Variants in LARGE1 observed in about 807,000 individuals in gnomAD.
The protein encoded by LARGE1 is xylosyl- and glucuronyltransferase LARGE1.
Under a neutral mutation model 87.6 loss-of-function variants are expected in LARGE1, and 43 were observed. That is an observed-to-expected ratio of 0.49 (90% confidence interval 0.38 to 0.63). The LOEUF is 0.63. Ranked by LOEUF, LARGE1 falls within the 30% of genes least tolerant of loss-of-function variation. LARGE1 has a pLI of 0.00. For synonymous variants in LARGE1, 434 were observed against 394.6 expected, an observed-to-expected ratio of 1.10 and a Z score of -1.18; for missense variants, 802 against 1,000.2, an observed-to-expected ratio of 0.80 and a Z score of 2.67.
rs562319985 is a variant in LARGE1 at position 33,361,159 on chromosome 22, G to A, written c.1131+20760C>T. 5.4e-5 allele frequency among the ~76,000 whole-genome samples: 8 copies of A among 149,088 alleles called. No individual in the cohort carries two copies. In the East Asian group the frequency reaches 1.2e-3, roughly 22 times the overall value. Reference sequence around the variant, plus strand: ...TGAGAGGTGGGGGTTACAGTGAGCCGAGAATGCGCCATTGCACTCCAGCCT... The same window carrying A: ...TGAGAGGTGGGGGTTACAGTGAGCCAAGAATGCGCCATTGCACTCCAGCCT... On this transcript the variant is annotated intron_variant, in intron 9 of 14. Transcript: ENST00000397394.
intron 6 of LARGE1, among the ~76,000 whole-genome samples, chr22:33,488,143 T>G (rs2069669165): frequency 2.0e-5 from 3 of 152,192 alleles, no homozygotes; most frequent in South Asian, 2.1e-4. Flanking sequence ...TCTAGAATTG[T>G]GCTTGTTGAA....
chr22:33,629,068 T>C (rs1346273258), intron 3 of LARGE1, among the ~76,000 whole-genome samples: 1 of 152,174 alleles, frequency 6.6e-6, no homozygotes, highest in East Asian at 1.9e-4. Context: ...TGGTACCTTT[T>C]TTTCAGGCTA....
At chr22:33,605,852 A>C (rs529024510) in intron 4 of LARGE1, among the ~76,000 whole-genome samples, 1 of 152,322 alleles carries the variant, frequency 6.6e-6, no homozygotes, top group Non-Finnish European at 1.5e-5. Context: ...CTACAAAAGA[A>C]CACAAAGTTC....
At chr22:33,767,107 C>G (rs1228908916) in intron 1 of LARGE1, among the ~76,000 whole-genome samples, 1 of 151,146 alleles carries the variant, frequency 6.6e-6, no homozygotes, top group East Asian at 2.0e-4. Flanking sequence ...TGACATCAGG[C>G]GTTCAAGACC....
chr22:33,397,303 C>A (rs142112937), intron 7 of LARGE1, among the ~76,000 whole-genome samples: 19 of 151,990 alleles, frequency 1.3e-4, no homozygotes, highest in African/African-American at 3.9e-4. Flanking sequence ...TTAGTAGAGA[C>A]GGGGTTTCTC....
chr22:33,884,179 G>A (rs1334620481), intron 1 of LARGE1, among the ~76,000 whole-genome samples: 1 of 152,186 alleles, frequency 6.6e-6, no homozygotes, highest in Non-Finnish European at 1.5e-5. Flanking sequence ...CTCATTCAGG[G>A]CAGAAACCAA....
At chr22:33,120,358 T>TTTTCTTTCCTTC in the LARGE1 span, among the ~76,000 whole-genome samples, 2 of 118,686 alleles carry the variant, frequency 1.7e-5, no homozygotes, top group Non-Finnish European at 3.4e-5. Context: ...TTTTCTTTCT[T>TTTTCTTTCCTTC]TTTCTTTCTT....
chr22:33,539,480 G>C (rs929900726), intron 6 of LARGE1, among the ~76,000 whole-genome samples: 1 of 152,124 alleles, frequency 6.6e-6, no homozygotes, highest in African/African-American at 2.4e-5. Context: ...AGCTAGGCTG[G>C]CTTGACAAAC....
intron 2 of LARGE1, among the ~76,000 whole-genome samples, chr22:33,753,549 T>A (rs557120045): frequency 7.2e-5 from 11 of 152,268 alleles, no homozygotes; most frequent in African/African-American, 2.6e-4. Context: ...GGTTTTTTTT[T>A]AAGCCACTAA....
intron 1 of LARGE1, among the ~76,000 whole-genome samples, chr22:33,853,978 A>G (rs1018596711): frequency 8.5e-5 from 13 of 152,172 alleles, no homozygotes; most frequent in Middle Eastern, 3.4e-3. Flanking sequence ...CTGAGTCCCT[A>G]CTGGGCAGGC....
chr22:33,119,928 A>G, the LARGE1 span, among the ~76,000 whole-genome samples: 1 of 152,190 alleles, frequency 6.6e-6, no homozygotes, highest in Non-Finnish European at 1.5e-5. Flanking sequence ...CCCTTGCAGT[A>G]GATAACTGCT....
At chr22:33,493,116 A>G (rs905159621) in intron 6 of LARGE1, among the ~76,000 whole-genome samples, 13 of 146,432 alleles carry the variant, frequency 8.9e-5, no homozygotes, top group Non-Finnish European at 1.8e-4. Flanking sequence ...TGCTAAAACC[A>G]TCTCTATCCA....
At chr22:33,086,816 G>A in the LARGE1 span, among the ~76,000 whole-genome samples, 249 of 152,284 alleles carry the variant, frequency 1.6e-3, no homozygotes, top group Non-Finnish European at 2.1e-3. Context: ...CTCCCAAAGT[G>A]CTGGGATTAC....
chr22:33,338,469 C>T (rs1433722693), intron 9 of LARGE1, among the ~76,000 whole-genome samples: 1 of 152,162 alleles, frequency 6.6e-6, no homozygotes, highest in Non-Finnish European at 1.5e-5. Flanking sequence ...TTCCTACCTC[C>T]TCCTCCTATT....
intron 11 of LARGE1, among the ~76,000 whole-genome samples, chr22:33,258,253 A>G (rs914919235): frequency 2.0e-5 from 3 of 152,078 alleles, no homozygotes; most frequent in African/African-American, 7.2e-5. Context: ...TCTGGTCTTG[A>G]ACTCCTGACT....
At chr22:33,890,976 GC>G (rs2064989374) in intron 1 of LARGE1, among the ~76,000 whole-genome samples, 1 of 152,116 alleles carries the variant, frequency 6.6e-6, no homozygotes, top group South Asian at 2.1e-4. Context: ...TTACAACTGA[GC>G]AGCTACCTGT....
At chr22:33,707,729 C>T (rs1309315683) in intron 2 of LARGE1, among the ~76,000 whole-genome samples, 1 of 152,236 alleles carries the variant, frequency 6.6e-6, no homozygotes, top group African/African-American at 2.4e-5. Flanking sequence ...GATTTTGTGT[C>T]TCTTTTTAGT....
At chr22:33,402,133 C>T (rs1274916946) in intron 7 of LARGE1, among the ~76,000 whole-genome samples, 3 of 152,144 alleles carry the variant, frequency 2.0e-5, no homozygotes, top group Non-Finnish European at 2.9e-5. Context: ...AACTGAGGCT[C>T]GGAGAGGTCA....
At chr22:33,822,855 T>C (rs934904289) in intron 1 of LARGE1, among the ~76,000 whole-genome samples, 1 of 152,196 alleles carries the variant, frequency 6.6e-6, no homozygotes, top group Non-Finnish European at 1.5e-5. Flanking sequence ...GCAGTGGCCA[T>C]GTAACTTGCT....
Sources: gnomAD v4.1 joint callset for allele counts (sites outside exome capture counted in the v4.1 genomes callset) on GRCh38, gnomAD v4.1.1 for gene constraint, MANE v1.5 for transcripts, NCBI Gene and HGNC (gene_info 2026-07-23, HGNC 2026-07-21) for gene names.